The following KLF12 variants were observed in gnomAD, a reference collection of about 807,000 sequenced individuals.
KLF12 encodes KLF transcription factor 12.
KLF12 carries 9 observed loss-of-function variants against 37.8 expected under a neutral mutation model. The ratio of observed to expected loss-of-function variants is 0.24; its 90% CI spans 0.14 to 0.42. KLF12 has a LOEUF of 0.42. Ranked by LOEUF, KLF12 falls within the 10% of genes least tolerant of loss-of-function variation. KLF12 has a pLI of 1.00. For missense variants in KLF12, 411 were observed against 516.0 expected, an observed-to-expected ratio of 0.80 and a Z score of 1.97; for synonymous variants, 208 against 202.1, an observed-to-expected ratio of 1.03 and a Z score of -0.25.
intron 2 of KLF12, among the ~76,000 whole-genome samples, chr13:73,950,240 G>A (rs1314689829): frequency 1.3e-5 from 2 of 152,134 alleles, no homozygotes; most frequent in Non-Finnish European, 2.9e-5. Context: ...GCCATGAAAA[G>A]CAGATGTTCT....
chr13:73,898,719 G>A (rs1040234549), intron 3 of KLF12, among the ~76,000 whole-genome samples: 12 of 152,240 alleles, frequency 7.9e-5, no homozygotes, highest in East Asian at 7.7e-4. Flanking sequence ...ATGACAGTAC[G>A]CCCAAGAAAG....
At chr13:74,263,772 C>A in the KLF12 span, among the ~76,000 whole-genome samples, 3 of 152,164 alleles carry the variant, frequency 2.0e-5, no homozygotes, top group African/African-American at 7.2e-5. Flanking sequence ...CTGTCTATCC[C>A]ACCACCTCAG....
the KLF12 span, among the ~76,000 whole-genome samples, chr13:74,302,794 C>A: frequency 1.3e-5 from 2 of 152,032 alleles, no homozygotes; most frequent in African/African-American, 4.8e-5. Context: ...CACAGGGACA[C>A]CTTCTAAAAG....
At chr13:74,130,339 G>A (rs1022245905) in intron 1 of KLF12, among the ~76,000 whole-genome samples, 1 of 152,186 alleles carries the variant, frequency 6.6e-6, no homozygotes, top group Non-Finnish European at 1.5e-5. Flanking sequence ...GAAAATGACA[G>A]ATAAGCAACT....
chr13:73,778,157 C>G (rs1470916123), intron 5 of KLF12, among the ~76,000 whole-genome samples: 1 of 148,572 alleles, frequency 6.7e-6, no homozygotes, highest in South Asian at 2.1e-4. Context: ...AAAAAGAAAA[C>G]AAAACAAAAG....
intron 1 of KLF12, among the ~76,000 whole-genome samples, chr13:74,054,335 C>T (rs921203576): frequency 1.3e-5 from 2 of 151,938 alleles, no homozygotes; most frequent in African/African-American, 2.4e-5. Flanking sequence ...ATACATGATA[C>T]AGAATATAAA....
chr13:74,189,414 C>T, the KLF12 span, among the ~76,000 whole-genome samples: 3 of 152,222 alleles, frequency 2.0e-5, no homozygotes, highest in African/African-American at 7.2e-5. Flanking sequence ...CACAGGGATG[C>T]TTCCCTTTCC....
At chr13:73,929,606 A>G (rs916381146) in intron 3 of KLF12, among the ~76,000 whole-genome samples, 3 of 152,216 alleles carry the variant, frequency 2.0e-5, no homozygotes, top group Non-Finnish European at 4.4e-5. Flanking sequence ...CAGCTCAGAA[A>G]TCTCAGTACA....
chr13:73,828,859 C>G (rs1171611627), intron 4 of KLF12, among the ~76,000 whole-genome samples: 1 of 151,902 alleles, frequency 6.6e-6, no homozygotes, highest in East Asian at 2.0e-4. Flanking sequence ...TCGAATCTAT[C>G]TACCAGGATA....
chr13:73,981,976 C>T (rs6562792), intron 2 of KLF12, among the ~76,000 whole-genome samples: 142,256 of 152,196 alleles, frequency 0.93, 67,221 homozygotes, highest in East Asian at 1. Context: ...AAACAATCTA[C>T]TTTTTTAAGT....
chr13:74,138,778 T>G (rs61965655), upstream of KLF12, among the ~76,000 whole-genome samples: 2 of 152,084 alleles, frequency 1.3e-5, no homozygotes, highest in Non-Finnish European at 2.9e-5. Context: ...ATGCACTAAT[T>G]ATAACATATC....
At chr13:74,006,198 T>C (rs1372524644) in intron 1 of KLF12, among the ~76,000 whole-genome samples, 2 of 152,208 alleles carry the variant, frequency 1.3e-5, no homozygotes, top group African/African-American at 2.4e-5. Flanking sequence ...CTGATGTCTA[T>C]TTGGCATTAT....
At chr13:74,193,744 T>G in the KLF12 span, among the ~76,000 whole-genome samples, 4 of 152,260 alleles carry the variant, frequency 2.6e-5, no homozygotes, top group African/African-American at 7.2e-5. Flanking sequence ...AAACCAACAT[T>G]ATAAGCCTAA....
intron 3 of KLF12, among the ~76,000 whole-genome samples, chr13:73,905,140 A>T (rs1470544168): frequency 1.3e-5 from 2 of 152,142 alleles, no homozygotes; most frequent in East Asian, 3.9e-4. Flanking sequence ...TTATAAGCCA[A>T]AAAATTAAAT....
chr13:74,290,033 A>C, the KLF12 span, among the ~76,000 whole-genome samples: 1 of 152,190 alleles, frequency 6.6e-6, no homozygotes. Context: ...AGTAAATGTG[A>C]TTAAATTATC....
rs547151401 is a variant in KLF12 at position 73,772,454 on chromosome 13, G to A, written c.807-7454C>T. ...GTGCATCTGAATTAAGCTTTGGAGT[G>A]AACCTGGGAGTTTCCGTAGGACAAT... On this transcript the variant is annotated intron_variant, in intron 5 of 7. Coordinates refer to ENST00000377669, the MANE Select transcript of KLF12 (RefSeq NM_007249.5). Among the ~76,000 whole-genome samples the A allele has an allele frequency of 4.6e-5, 7 of 152,344 alleles. No individual in the cohort carries two copies. In the East Asian group the frequency reaches 1.3e-3, roughly 29 times the overall value.
At chr13:73,700,280 A>AT in intron 7 of KLF12, among the ~76,000 whole-genome samples, 1 of 151,396 alleles carries the variant, frequency 6.6e-6, no homozygotes, top group African/African-American at 2.4e-5. Flanking sequence ...AAATAAATAA[A>AT]TAAATTAATT....
chr13:73,975,147 T>G (rs2138136720), intron 2 of KLF12, among the ~76,000 whole-genome samples: 1 of 152,334 alleles, frequency 6.6e-6, no homozygotes, highest in East Asian at 1.9e-4. Context: ...CAAAAGTAAC[T>G]TTTTTTGTTG....
At chr13:74,040,157 G>T (rs1893362613) in intron 1 of KLF12, among the ~76,000 whole-genome samples, 1 of 152,162 alleles carries the variant, frequency 6.6e-6, no homozygotes, top group Non-Finnish European at 1.5e-5. Context: ...ATATCACAGG[G>T]TTATTAATAA....
Sources: allele counts gnomAD v4.1 joint callset (sites outside exome capture counted in the v4.1 genomes callset), GRCh38; gene constraint gnomAD v4.1.1; transcripts MANE v1.5; gene names NCBI Gene and HGNC (gene_info 2026-07-23, HGNC 2026-07-21).